The following COMMD1 variants were observed in gnomAD, a reference collection of about 807,000 sequenced individuals.
The protein encoded by COMMD1 is COMM domain-containing protein 1.
Under a neutral mutation model 17.2 loss-of-function variants are expected in COMMD1, and 10 were observed. The observed-to-expected ratio is 0.58, with a 90% CI of 0.36 to 0.99. COMMD1 has a LOEUF of 0.99. Among genes scored for constraint, COMMD1 ranks in the 50% least tolerant of loss-of-function variants. The pLI is 0.01. For synonymous variants in COMMD1, 97 were observed against 91.6 expected, an observed-to-expected ratio of 1.06 and a Z score of -0.34; for missense variants, 270 against 231.8, an observed-to-expected ratio of 1.17 and a Z score of -1.07.
At chr2:61,981,161 TC>T (rs977361975) in intron 1 of COMMD1, among the ~76,000 whole-genome samples, 1 of 152,178 alleles carries the variant, frequency 6.6e-6, no homozygotes, top group African/African-American at 2.4e-5. Context: ...CTTAATGTGA[TC>T]CCATTTGTCC....
intron 2 of COMMD1, chr2:62,118,928 C>A (rs925141796): frequency 6.6e-6 from 1 of 152,196 alleles, no homozygotes; most frequent in Non-Finnish European, 1.5e-5. Context: ...CAAACACTTA[C>A]CAGATGCTTG....
intron 2 of COMMD1, among the ~76,000 whole-genome samples, chr2:62,022,479 C>G (rs1669637601): frequency 7.1e-6 from 1 of 141,192 alleles, no homozygotes; most frequent in Non-Finnish European, 1.5e-5. Flanking sequence ...TTACATGAAG[C>G]CGAGGCCAGT....
At chr2:61,960,372 G>A (rs1196081290) in intron 1 of COMMD1, among the ~76,000 whole-genome samples, 1 of 152,076 alleles carries the variant, frequency 6.6e-6, no homozygotes, top group Non-Finnish European at 1.5e-5. Context: ...TAGTACTGAC[G>A]AGTTTCTGCA....
Position 62,124,741 on chromosome 2 carries a change from G to C in COMMD1, c.463-11090G>C, listed in dbSNP as rs146780380. Among the ~76,000 whole-genome samples, 82 of 152,110 alleles carry C rather than the reference G, an allele frequency of 5.4e-4. 2 individuals are homozygous for C. In the East Asian group the frequency reaches 0.013, roughly 24 times the overall value. ...ATTTTTGTATTTTTAGTGGAGATGGGGTTTTACTATGTGAGCCAGGCTGGT... is the reference window on the plus strand; with the variant it reads ...ATTTTTGTATTTTTAGTGGAGATGGCGTTTTACTATGTGAGCCAGGCTGGT... On this transcript the variant is annotated intron_variant, in intron 2 of 2. Transcript: ENST00000311832.
intron 2 of COMMD1, among the ~76,000 whole-genome samples, chr2:62,084,526 GA>G (rs1439455697): frequency 1.3e-5 from 2 of 152,192 alleles, no homozygotes; most frequent in Non-Finnish European, 2.9e-5. Context: ...AGGGGTGGCA[GA>G]GGGGGAAGAA....
intron 2 of COMMD1, among the ~76,000 whole-genome samples, chr2:62,036,052 TCTCA>T (rs753919512): frequency 7.8e-4 from 110 of 141,240 alleles, no homozygotes; most frequent in Non-Finnish European, 1.3e-3. Context: ...AGACCCTGTC[TCTCA>T]CACACACACA....
At chr2:62,074,066 A>C (rs981189317) in intron 2 of COMMD1, among the ~76,000 whole-genome samples, 2 of 152,212 alleles carry the variant, frequency 1.3e-5, no homozygotes, top group Non-Finnish European at 2.9e-5. Context: ...AGGGCCAGCC[A>C]AATGAGGAAA....
chr2:62,032,244 A>G (rs575368257), intron 2 of COMMD1, among the ~76,000 whole-genome samples: 27 of 152,256 alleles, frequency 1.8e-4, no homozygotes, highest in Admixed American at 1.0e-3. Flanking sequence ...GCCAGAAACC[A>G]CTGACTCATG....
chr2:62,028,892 C>A (rs576517297), intron 2 of COMMD1, among the ~76,000 whole-genome samples: 40 of 152,104 alleles, frequency 2.6e-4, no homozygotes, highest in Non-Finnish European at 4.9e-4. Flanking sequence ...CAGTTTTTGT[C>A]CCTAGGCTGC....
Position 62,003,263 on chromosome 2 carries a change from C to T in COMMD1, c.462+2281C>T, listed in dbSNP as rs182277145. Among the ~76,000 whole-genome samples, 85 of 150,078 alleles carry T rather than the reference C, an allele frequency of 5.7e-4. 1 individual carries two copies. Among genetic ancestry groups the T allele is most frequent in the Middle Eastern group, 7.1e-3 (2 of 280 alleles). ...AAAAACAAAACAAAACAAAACAGGC[C>T]GGGTGTGGTGGCTCATGCCTGTAAT... On this transcript the variant is annotated intron_variant, in intron 2 of 2. Coordinates refer to ENST00000311832, the MANE Select transcript of COMMD1 (RefSeq NM_152516.4).
At chr2:62,080,805 C>A (rs1307545076) in intron 2 of COMMD1, among the ~76,000 whole-genome samples, 1 of 143,514 alleles carries the variant, frequency 7.0e-6, no homozygotes. Flanking sequence ...TTTTTTTTAC[C>A]AAAATTGGCT....
intron 2 of COMMD1, among the ~76,000 whole-genome samples, chr2:62,016,247 C>T (rs1478228617): frequency 2.4e-5 from 3 of 123,746 alleles, no homozygotes; most frequent in Non-Finnish European, 4.8e-5. Context: ...CTTGCTCTAT[C>T]GCCCAAGCTG....
rs55789110 is a variant in COMMD1 at position 62,121,371 on chromosome 2, CAA to C, written c.463-14435_463-14434del. ...GGCAACAGAGTGAGAGACTCTTTCTCAAAAAAAAAAAAAAAAAAAAAAAAAAT... is the reference window on the plus strand; with the variant it reads ...GGCAACAGAGTGAGAGACTCTTTCTCAAAAAAAAAAAAAAAAAAAAAAAAT... On this transcript the variant is annotated intron_variant, in intron 2 of 2. Coordinates refer to ENST00000311832, the MANE Select transcript of COMMD1 (RefSeq NM_152516.4). 2.1e-3 allele frequency among the ~76,000 whole-genome samples: 101 copies of C among 47,190 alleles called. 1 individual carries two copies. The highest frequency in any genetic ancestry group is 7.0e-3 in the East Asian group (15 of 2,144). The allele number at this position is 47,190 out of a possible 152,430, so 31.0% of individuals were successfully genotyped here. A position where few individuals can be genotyped will look rare whatever the true frequency, so the allele number is the denominator to read the frequency against.
chr2:62,099,992 C>T (rs1163975981), intron 2 of COMMD1, among the ~76,000 whole-genome samples: 2 of 151,994 alleles, frequency 1.3e-5, no homozygotes, highest in African/African-American at 4.8e-5. Context: ...GCAAAGTGCA[C>T]ACAGACAAGC....
At chr2:62,133,527 T>G (rs1278665222) in intron 2 of COMMD1, among the ~76,000 whole-genome samples, 1 of 151,960 alleles carries the variant, frequency 6.6e-6, no homozygotes, top group Non-Finnish European at 1.5e-5. Flanking sequence ...ATTTTTAATT[T>G]TATATGCACA....
intron 1 of COMMD1, among the ~76,000 whole-genome samples, chr2:61,963,303 A>C (rs755099758): frequency 1.3e-5 from 2 of 151,716 alleles, no homozygotes; most frequent in Non-Finnish European, 2.9e-5. Flanking sequence ...TGTTCCACCA[A>C]ATTATTGAAC....
intron 2 of COMMD1, among the ~76,000 whole-genome samples, chr2:62,056,172 G>A (rs898637108): frequency 6.6e-6 from 1 of 152,200 alleles, no homozygotes; most frequent in Non-Finnish European, 1.5e-5. Context: ...TATGTACTGT[G>A]TCATCCATAG....
chr2:62,011,479 G>C (rs1669275506), intron 2 of COMMD1, among the ~76,000 whole-genome samples: 1 of 152,054 alleles, frequency 6.6e-6, no homozygotes, highest in Non-Finnish European at 1.5e-5. Context: ...CAGTGCTCCA[G>C]ATTAGCATTT....
chr2:61,925,064 G>A (rs918930902), intron 1 of COMMD1, among the ~76,000 whole-genome samples: 3 of 152,150 alleles, frequency 2.0e-5, no homozygotes, highest in African/African-American at 7.2e-5. Flanking sequence ...CACCCTGGTG[G>A]AGGCTTTGAT....
Sources: allele counts gnomAD v4.1 joint callset (sites outside exome capture counted in the v4.1 genomes callset), GRCh38; gene constraint gnomAD v4.1.1; transcripts MANE v1.5; gene names NCBI Gene and HGNC (gene_info 2026-07-23, HGNC 2026-07-21).